Variants in AGTPBP1 observed in about 807,000 individuals in gnomAD.
The protein encoded by AGTPBP1 is ATP/GTP binding carboxypeptidase 1.
AGTPBP1 carries 70 observed loss-of-function variants against 143.9 expected under a neutral mutation model. That is an observed-to-expected ratio of 0.49 (90% confidence interval 0.40 to 0.59). The LOEUF is 0.59. Ranked by LOEUF, AGTPBP1 falls within the 20% of genes least tolerant of loss-of-function variation. The probability of loss-of-function intolerance (pLI) is 0.00; values close to 1 mark genes in which losing one functional copy is unlikely to be tolerated. For synonymous variants in AGTPBP1, 463 were observed against 500.2 expected (o/e 0.93, Z 0.99); for missense variants, 1,229 against 1,464.5 (o/e 0.84, Z 2.62).
chr9:85,621,772 G>A (rs138378954), intron 14 of AGTPBP1, among the ~76,000 whole-genome samples: 2 of 152,240 alleles, frequency 1.3e-5, no homozygotes, highest in East Asian at 3.9e-4. Context: ...TCTCTTTTGT[G>A]GTGGGAAAGG....
intron 11 of AGTPBP1, among the ~76,000 whole-genome samples, chr9:85,654,304 T>G (rs1833354568): frequency 6.6e-6 from 1 of 152,172 alleles, no homozygotes; most frequent in Non-Finnish European, 1.5e-5. Flanking sequence ...AAATAAACTC[T>G]TACTTCCTCT....
At chr9:85,758,240 A>G in the AGTPBP1 span, among the ~76,000 whole-genome samples, 1 of 152,224 alleles carries the variant, frequency 6.6e-6, no homozygotes, top group African/African-American at 2.4e-5. Context: ...ATAGAACAAG[A>G]AGCTGAAAAA....
the AGTPBP1 span, among the ~76,000 whole-genome samples, chr9:85,759,641 C>T: frequency 1.3e-5 from 2 of 152,000 alleles, no homozygotes; most frequent in Non-Finnish European, 2.9e-5. Flanking sequence ...GGGAAATTTA[C>T]AGCACTAAAT....
Position 85,654,462 on chromosome 9 carries a change from G to GA in AGTPBP1, c.1087+680dup, listed in dbSNP as rs535275763. 4.6e-5 allele frequency among the ~76,000 whole-genome samples: 7 copies of GA among 151,122 alleles called. No homozygotes were observed. In the East Asian group the frequency reaches 9.7e-4, roughly 21 times the overall value. On this transcript the variant is annotated intron_variant, in intron 11 of 25. Coordinates refer to ENST00000357081, the MANE Select transcript of AGTPBP1 (RefSeq NM_001330701.2). ...ATTAGGTTGTTTTTTTTTAACTTAAGAAAAAAAATCACTGAAAAGCTACAA... is the reference window on the plus strand; with the variant it reads ...ATTAGGTTGTTTTTTTTTAACTTAAGAAAAAAAAATCACTGAAAAGCTACAA...
the AGTPBP1 span, among the ~76,000 whole-genome samples, chr9:85,780,157 A>G: frequency 6.6e-6 from 1 of 151,936 alleles, no homozygotes; most frequent in Non-Finnish European, 1.5e-5. Flanking sequence ...CCAGTAGGGG[A>G]GAGTAGGTCT....
intron 13 of AGTPBP1, among the ~76,000 whole-genome samples, chr9:85,634,749 A>G (rs1300214399): frequency 4.6e-5 from 7 of 152,130 alleles, no homozygotes; most frequent in African/African-American, 1.7e-4. Flanking sequence ...TTTTGCAAAG[A>G]GTTTTTGCTT....
chr9:85,763,824 T>C, the AGTPBP1 span, among the ~76,000 whole-genome samples: 1 of 152,254 alleles, frequency 6.6e-6, no homozygotes, highest in Admixed American at 6.5e-5. Flanking sequence ...GGGAATGCTT[T>C]TTTAAAATTA....
At chr9:85,710,183 T>C (rs984700520) in intron 2 of AGTPBP1, among the ~76,000 whole-genome samples, 2 of 152,140 alleles carry the variant, frequency 1.3e-5, no homozygotes, top group Admixed American at 6.5e-5. Context: ...TTTTAGAACA[T>C]ATTCTACACT....
chr9:85,591,348 G>A (rs990256098), intron 19 of AGTPBP1, among the ~76,000 whole-genome samples: 64 of 152,016 alleles, frequency 4.2e-4, no homozygotes, highest in African/African-American at 1.4e-3. Flanking sequence ...GGGGTTTGTG[G>A]GGTGGCAGCG....
At chr9:85,631,402 A>G (rs1357544501) in intron 14 of AGTPBP1, among the ~76,000 whole-genome samples, 7 of 152,282 alleles carry the variant, frequency 4.6e-5, no homozygotes, top group African/African-American at 1.7e-4. Flanking sequence ...TCCCTGAGTT[A>G]GAGCTTTACA....
At chr9:85,686,032 G>T (rs1835466371) in intron 3 of AGTPBP1, among the ~76,000 whole-genome samples, 1 of 151,706 alleles carries the variant, frequency 6.6e-6, no homozygotes, top group South Asian at 2.1e-4. Context: ...TCCAAAATAG[G>T]GTAGGACAGG....
At chr9:85,777,954 C>T in the AGTPBP1 span, among the ~76,000 whole-genome samples, 1 of 152,232 alleles carries the variant, frequency 6.6e-6, no homozygotes, top group East Asian at 1.9e-4. Flanking sequence ...TGTCCACTTT[C>T]AGGTGGTGCC....
At chr9:85,615,234 ATTTAATAC>A (rs1253403773) in intron 17 of AGTPBP1, among the ~76,000 whole-genome samples, 1 of 152,106 alleles carries the variant, frequency 6.6e-6, no homozygotes, top group Non-Finnish European at 1.5e-5. Flanking sequence ...GGCTGAACTA[ATTTAATAC>A]TTCACCAGCA....
chr9:85,688,746 T>A (rs1250118270), intron 3 of AGTPBP1, among the ~76,000 whole-genome samples: 1 of 152,204 alleles, frequency 6.6e-6, no homozygotes, highest in African/African-American at 2.4e-5. Flanking sequence ...TTATGGAAAT[T>A]TATAAGTTTA....
chr9:85,803,089 T>C, the AGTPBP1 span, among the ~76,000 whole-genome samples: 1 of 152,194 alleles, frequency 6.6e-6, no homozygotes, highest in Non-Finnish European at 1.5e-5. Context: ...AGAGAACTAC[T>C]TTCTCCCACT....
chr9:85,610,921 T>C (rs1245265948), intron 17 of AGTPBP1, among the ~76,000 whole-genome samples: 4 of 152,176 alleles, frequency 2.6e-5, no homozygotes, highest in African/African-American at 4.8e-5. Context: ...ACCTAACAAA[T>C]CTAAAGATAA....
chr9:85,778,699 A>G, the AGTPBP1 span, among the ~76,000 whole-genome samples: 46 of 152,186 alleles, frequency 3.0e-4, no homozygotes, highest in Non-Finnish European at 5.0e-4. Flanking sequence ...GGAAGGGCCG[A>G]ATGCAGCAAC....
intron 13 of AGTPBP1, among the ~76,000 whole-genome samples, chr9:85,640,823 T>C (rs1832413686): frequency 6.6e-6 from 1 of 152,256 alleles, no homozygotes; most frequent in South Asian, 2.1e-4. Flanking sequence ...GGTTACTTTT[T>C]TCTATTCCCA....
the AGTPBP1 span, among the ~76,000 whole-genome samples, chr9:85,801,004 TTTTTAATTTTTAA>T: frequency 4.2e-4 from 64 of 151,970 alleles, no homozygotes; most frequent in East Asian, 9.5e-3. Context: ...AAGTTTTAAT[TTTTTAATTTTTAA>T]TTTTAATTTT....
Sources: gnomAD v4.1 joint callset for allele counts (sites outside exome capture counted in the v4.1 genomes callset) on GRCh38, gnomAD v4.1.1 for gene constraint, MANE v1.5 for transcripts, NCBI Gene and HGNC (gene_info 2026-07-23, HGNC 2026-07-21) for gene names.